Variants in NREP observed in about 807,000 individuals in gnomAD.
NREP encodes the protein neuronal regeneration-related protein.
NREP carries 5 observed loss-of-function variants against 8.6 expected under a neutral mutation model. The ratio of observed to expected loss-of-function variants is 0.58; its 90% CI spans 0.30 to 1.22. NREP has a LOEUF of 1.22. Among genes scored for constraint, NREP ranks in the 50% most tolerant of loss-of-function variants. The pLI, the probability that NREP is intolerant of heterozygous loss-of-function variation, is 0.07. For missense variants in NREP, 86 were observed against 82.5 expected, an observed-to-expected ratio of 1.04 and a Z score of -0.17; for synonymous variants, 27 against 28.0, an observed-to-expected ratio of 0.96 and a Z score of 0.11.
At chr5:111,891,807 G>A (rs1398727176) in intron 2 of NREP, among the ~76,000 whole-genome samples, 1 of 152,134 alleles carries the variant, frequency 6.6e-6, no homozygotes, top group African/African-American at 2.4e-5. Context: ...GCTATCGTGA[G>A]GACAGCACCA....
rs1483047909 is a variant in NREP, at chr5:111,830,347, GAAAC to G, written c.136-94844_136-94841del. On this transcript the variant is annotated intron_variant, in intron 2 of 3. Transcript: ENST00000395634. ...ACCCTGGGTTAAGATGGATTTCTCA[GAAAC>G]AAACAAATAAACAAAAGGTGCCACT... 3.9e-5 allele frequency among the ~76,000 whole-genome samples: 6 copies of G among 152,236 alleles called. No homozygotes were observed. The East Asian group carries it at 1.2e-3, about 29-fold the overall frequency.
intron 2 of NREP, among the ~76,000 whole-genome samples, chr5:111,970,548 G>C (rs552111848): frequency 1.3e-5 from 2 of 152,130 alleles, no homozygotes; most frequent in East Asian, 1.9e-4. Flanking sequence ...TTACTGGGTC[G>C]GGCGTGGTGG....
At chr5:111,749,888 C>T (rs1440609729) in intron 2 of NREP, among the ~76,000 whole-genome samples, 2 of 152,202 alleles carry the variant, frequency 1.3e-5, no homozygotes, top group Non-Finnish European at 2.9e-5. Context: ...CACCATTCCA[C>T]CCCAGCCTAA....
chr5:111,841,132 C>A (rs746466909), intron 2 of NREP, among the ~76,000 whole-genome samples: 1 of 152,060 alleles, frequency 6.6e-6, no homozygotes, highest in African/African-American at 2.4e-5. Flanking sequence ...AGAACCAATA[C>A]AAGGGTGCAT....
At position 111,730,831 on chromosome 5, in the gene NREP, G is replaced by T. The variant is rs1172629385; in HGVS notation, c.*90C>A. 7 of 1,422,894 alleles carry T rather than the reference G, an allele frequency of 4.9e-6. No homozygotes were observed. The highest frequency in any genetic ancestry group is 6.7e-6 in the Non-Finnish European group (7 of 1,039,642). 88.1% of individuals were successfully genotyped at this position (1,422,894 alleles called of 1,614,324 possible). A position where few individuals can be genotyped will look rare whatever the true frequency, so the allele number is the denominator to read the frequency against. On this transcript the variant is annotated 3_prime_UTR_variant, in exon 4 of 4. Transcript: ENST00000257435. ...AGTCCCATAGTTTCTTCTTATACTT[G>T]ATGATTTACACAGAAAAAAATCCCA...
chr5:111,733,259 C>G (rs1055369071), intron 3 of NREP: 1 of 152,192 alleles, frequency 6.6e-6, no homozygotes, highest in Admixed American at 6.5e-5. Context: ...GCCCATCTCA[C>G]CCTTCATTAA....
intron 2 of NREP, among the ~76,000 whole-genome samples, chr5:111,792,582 G>A (rs561116061): frequency 1.3e-5 from 2 of 152,290 alleles, no homozygotes; most frequent in South Asian, 4.1e-4. Flanking sequence ...TGCAAAAAGA[G>A]TGAAGCAGTT....
intron 2 of NREP, among the ~76,000 whole-genome samples, chr5:111,904,710 G>A (rs571691692): frequency 1.3e-5 from 2 of 152,152 alleles, no homozygotes; most frequent in South Asian, 2.1e-4. Context: ...CTTGGAGATC[G>A]ACAGATGCTA....
intron 2 of NREP, among the ~76,000 whole-genome samples, chr5:111,933,799 A>G (rs574080303): frequency 6.6e-5 from 10 of 152,250 alleles, no homozygotes; most frequent in Admixed American, 5.9e-4. Context: ...TCTATACTGT[A>G]GACTGCATTT....
intron 2 of NREP, among the ~76,000 whole-genome samples, chr5:111,782,726 A>G (rs1408748840): frequency 6.6e-6 from 1 of 151,780 alleles, no homozygotes; most frequent in Non-Finnish European, 1.5e-5. Flanking sequence ...AAAGAACCAC[A>G]TGGCTTTTCT....
At chr5:111,973,970 C>T (rs1308424376) in intron 2 of NREP, among the ~76,000 whole-genome samples, 2 of 152,172 alleles carry the variant, frequency 1.3e-5, no homozygotes, top group Non-Finnish European at 2.9e-5. Context: ...TATATCAGTA[C>T]ACATACACAC....
chr5:111,939,093 C>T (rs1418929884), intron 2 of NREP, among the ~76,000 whole-genome samples: 3 of 152,044 alleles, frequency 2.0e-5, no homozygotes, highest in Non-Finnish European at 4.4e-5. Flanking sequence ...AAATTACCGT[C>T]CCCCTTGCTC....
chr5:111,814,473 C>A (rs906509022), intron 2 of NREP, among the ~76,000 whole-genome samples: 2 of 152,030 alleles, frequency 1.3e-5, no homozygotes, highest in Non-Finnish European at 2.9e-5. Context: ...CCCTCCATTG[C>A]CTCCGTAACT....
intron 2 of NREP, among the ~76,000 whole-genome samples, chr5:111,865,924 A>G (rs1389438339): frequency 1.3e-5 from 2 of 152,208 alleles, no homozygotes. Flanking sequence ...GGTCTAGATC[A>G]TAAACTGTTC....
At chr5:111,878,070 G>A (rs1435911770) in intron 2 of NREP, among the ~76,000 whole-genome samples, 3 of 152,196 alleles carry the variant, frequency 2.0e-5, no homozygotes, top group East Asian at 1.9e-4. Context: ...AGACTCAGAC[G>A]AGGACTAGAC....
At chr5:111,900,540 TAAA>T (rs1754622925) in intron 2 of NREP, among the ~76,000 whole-genome samples, 1 of 150,356 alleles carries the variant, frequency 6.7e-6, no homozygotes, top group African/African-American at 2.4e-5. Flanking sequence ...AAAAAAAGAG[TAAA>T]TGTCCAATAA....
chr5:111,863,543 G>C (rs1487484841), intron 2 of NREP, among the ~76,000 whole-genome samples: 1 of 152,004 alleles, frequency 6.6e-6, no homozygotes, highest in Non-Finnish European at 1.5e-5. Context: ...GCAGGTCCAG[G>C]ACCAAGCCTT....
intron 2 of NREP, among the ~76,000 whole-genome samples, chr5:111,892,338 C>T (rs1754413959): frequency 6.6e-6 from 1 of 151,804 alleles, no homozygotes; most frequent in Non-Finnish European, 1.5e-5. Flanking sequence ...TGTAGAAATA[C>T]AACGAAAACA....
At chr5:111,789,831 C>A (rs1436991903) in intron 2 of NREP, among the ~76,000 whole-genome samples, 2 of 151,990 alleles carry the variant, frequency 1.3e-5, no homozygotes, top group African/African-American at 4.8e-5. Flanking sequence ...AAAAAATAGG[C>A]AAATAACTAT....
Sources: allele counts gnomAD v4.1 joint callset (sites outside exome capture counted in the v4.1 genomes callset), GRCh38; gene constraint gnomAD v4.1.1; transcripts MANE v1.5; gene names NCBI Gene and HGNC (gene_info 2026-07-23, HGNC 2026-07-21).